Variants in SYNPR observed in about 807,000 individuals in gnomAD.
The protein encoded by SYNPR is synaptoporin.
In SYNPR, 23 loss-of-function variants were observed where a neutral mutation model predicts 32.9. The ratio of observed to expected loss-of-function variants is 0.70; its 90% CI spans 0.50 to 0.99. SYNPR has a LOEUF of 0.99. SYNPR is among the 50% of genes least tolerant of loss of function. The pLI is 0.00. For synonymous variants in SYNPR, 146 were observed against 135.9 expected, an observed-to-expected ratio of 1.07 and a Z score of -0.52; for missense variants, 318 against 349.3, an observed-to-expected ratio of 0.91 and a Z score of 0.71.
At chr3:63,259,180 C>G (rs1002667652) in intron 2 of SYNPR, among the ~76,000 whole-genome samples, 18 of 152,128 alleles carry the variant, frequency 1.2e-4, no homozygotes, top group African/African-American at 2.9e-4. Flanking sequence ...TGAAACTATT[C>G]CAACCAACAG....
intron 2 of SYNPR, among the ~76,000 whole-genome samples, chr3:63,358,810 A>T (rs2087619256): frequency 6.6e-6 from 1 of 152,206 alleles, no homozygotes. Flanking sequence ...CATTTTATAG[A>T]TAAGGAAACT....
intron 3 of SYNPR, among the ~76,000 whole-genome samples, chr3:63,272,099 A>G (rs1268744896): frequency 6.6e-6 from 1 of 152,218 alleles, no homozygotes; most frequent in Non-Finnish European, 1.5e-5. Context: ...TGTTAATATC[A>G]TAGACCATCT....
At chr3:63,367,297 G>C (rs1476953207) in intron 2 of SYNPR, among the ~76,000 whole-genome samples, 1 of 152,030 alleles carries the variant, frequency 6.6e-6, no homozygotes, top group East Asian at 1.9e-4. Context: ...CATAAATACA[G>C]TACATTCTGA....
At chr3:63,468,382 T>C (rs1294032499) in intron 2 of SYNPR, among the ~76,000 whole-genome samples, 1 of 152,148 alleles carries the variant, frequency 6.6e-6, no homozygotes, top group Non-Finnish European at 1.5e-5. Context: ...AATGGTCCTA[T>C]GAATGATTCT....
chr3:63,546,448 G>T (rs906325544), intron 3 of SYNPR, among the ~76,000 whole-genome samples: 1 of 150,970 alleles, frequency 6.6e-6, no homozygotes, highest in Non-Finnish European at 1.5e-5. Flanking sequence ...CAATAAGTTG[G>T]ATAAACATCT....
chr3:63,543,586 A>G (rs1248421520), intron 3 of SYNPR, among the ~76,000 whole-genome samples: 1 of 152,042 alleles, frequency 6.6e-6, no homozygotes, highest in Non-Finnish European at 1.5e-5. Context: ...ATTTTCTTTT[A>G]CAAAGACTTT....
chr3:63,247,951 C>A (rs1160631446), intron 1 of SYNPR, among the ~76,000 whole-genome samples: 1 of 152,098 alleles, frequency 6.6e-6, no homozygotes, highest in Admixed American at 6.6e-5. Context: ...ATGGTGTCTT[C>A]CTTGGTGTTT....
At chr3:63,255,217 T>C (rs1302851170) in intron 2 of SYNPR, among the ~76,000 whole-genome samples, 1 of 152,146 alleles carries the variant, frequency 6.6e-6, no homozygotes, top group Non-Finnish European at 1.5e-5. Context: ...CACCTAGACA[T>C]ATCTGATTGT....
chr3:63,367,103 A>G (rs1467713616), intron 2 of SYNPR, among the ~76,000 whole-genome samples: 1 of 152,208 alleles, frequency 6.6e-6, no homozygotes, highest in African/African-American at 2.4e-5. Flanking sequence ...AAACTTCAAG[A>G]TGGATCTCCT....
At chr3:63,391,652 T>C (rs2088138276) in intron 2 of SYNPR, among the ~76,000 whole-genome samples, 1 of 152,194 alleles carries the variant, frequency 6.6e-6, no homozygotes, top group South Asian at 2.1e-4. Flanking sequence ...ACATACCTAT[T>C]GATGACAACC....
intron 2 of SYNPR, among the ~76,000 whole-genome samples, chr3:63,408,770 C>T (rs1389777169): frequency 6.6e-6 from 1 of 152,146 alleles, no homozygotes; most frequent in African/African-American, 2.4e-5. Flanking sequence ...CTTCCTTATT[C>T]AGTCCACTGA....
chr3:63,276,580 T>A (rs1422387387), upstream of SYNPR, among the ~76,000 whole-genome samples: 1 of 152,030 alleles, frequency 6.6e-6, no homozygotes, highest in Non-Finnish European at 1.5e-5. Flanking sequence ...ATCATATACA[T>A]ACATGGTAGG....
At chr3:63,503,805 A>C (rs1701531207) in intron 3 of SYNPR, among the ~76,000 whole-genome samples, 1 of 152,128 alleles carries the variant, frequency 6.6e-6, no homozygotes, top group African/African-American at 2.4e-5. Context: ...ATAATGTTAG[A>C]ATTATATGTA....
chr3:63,262,462 T>C (rs1221043157), intron 2 of SYNPR, among the ~76,000 whole-genome samples: 1 of 152,110 alleles, frequency 6.6e-6, no homozygotes, highest in Non-Finnish European at 1.5e-5. Context: ...TGGTCAAATT[T>C]TGCTCCATAA....
intron 4 of SYNPR, among the ~76,000 whole-genome samples, chr3:63,603,292 G>C (rs1039714727): frequency 1.3e-5 from 2 of 152,086 alleles, no homozygotes; most frequent in African/African-American, 4.8e-5. Context: ...ATCTGCAAAG[G>C]GGATAGTTTG....
chr3:63,403,148 G>A (rs370028004), intron 2 of SYNPR, among the ~76,000 whole-genome samples: 7 of 152,022 alleles, frequency 4.6e-5, no homozygotes, highest in East Asian at 3.9e-4. Context: ...CCACTAAAGC[G>A]TATTTTCTTG....
intron 2 of SYNPR, among the ~76,000 whole-genome samples, chr3:63,362,163 A>G (rs1259690985): frequency 6.6e-6 from 1 of 152,208 alleles, no homozygotes; most frequent in East Asian, 1.9e-4. Flanking sequence ...TGGTGAAGCC[A>G]TGCTCACTCT....
chr3:63,341,360 G>A (rs997517229), intron 2 of SYNPR, among the ~76,000 whole-genome samples: 1 of 152,140 alleles, frequency 6.6e-6, no homozygotes, highest in African/African-American at 2.4e-5. Flanking sequence ...AACTCATTTA[G>A]GTAAACACAT....
chr3:63,219,021 C>T, the SYNPR span, among the ~76,000 whole-genome samples: 1 of 152,202 alleles, frequency 6.6e-6, no homozygotes, highest in Admixed American at 6.5e-5. Flanking sequence ...GTGAGAGAGA[C>T]ATCTGCTTAC....
Sources: gnomAD v4.1 joint callset for allele counts (sites outside exome capture counted in the v4.1 genomes callset) on GRCh38, gnomAD v4.1.1 for gene constraint, MANE v1.5 for transcripts, NCBI Gene and HGNC (gene_info 2026-07-23, HGNC 2026-07-21) for gene names.